Variants in FLII observed in about 807,000 individuals in gnomAD.
FLII encodes the protein FLII actin remodeling protein.
FLII carries 101 observed loss-of-function variants against 156.2 expected under a neutral mutation model. The ratio of observed to expected loss-of-function variants is 0.65; its 90% CI spans 0.55 to 0.76. The LOEUF is 0.76. FLII is among the 30% of genes least tolerant of loss of function. FLII has a pLI of 0.00. For missense variants in FLII, 1,675 were observed against 1,682.8 expected, an observed-to-expected ratio of 1.00 and a Z score of 0.08; for synonymous variants, 767 against 685.8, an observed-to-expected ratio of 1.12 and a Z score of -1.85.
rs1597897645 is a variant in FLII, at chr17:18,246,441, G to C, written c.3073C>G (p.Gln1025Glu). The C allele has an allele frequency of 6.2e-7, 1 of 1,613,968 alleles. No homozygotes were observed. The change falls in exon 24 of 30, where the codon CAG becomes GAG. Residue 1025 changes from glutamine (Q) to glutamate (E), a missense_variant. Around this residue, in one of 2 missense-constraint regions of FLII, gnomAD observed 1,332 missense variants for 1,269.3 expected, o/e 1.05. Coordinates refer to ENST00000327031, the MANE Select transcript of FLII (RefSeq NM_002018.4). Reference sequence around the variant, plus strand: ...TGGGACAGGAACTTGGGGTTCTCCTGCTGCTGCGTCATGCGTACCACCTGG... The same window carrying C: ...TGGGACAGGAACTTGGGGTTCTCCTCCTGCTGCGTCATGCGTACCACCTGG... ...KLEVVRMTQQ[Q>E]ENPKFLSHFK... is the part of the protein sequence containing the mutation.
At position 18,251,679 on chromosome 17, in the gene FLII, C is replaced by T. The variant is rs776247113; in HGVS notation, c.1383+1G>A. 1.2e-6 allele frequency: 2 copies of T among 1,613,972 alleles called. No homozygotes were observed. Among genetic ancestry groups the T allele is most frequent in the East Asian group, 2.2e-5 (1 of 44,880 alleles). ...CTTGTCCCAACCCTGGCCTGGCTCA[C>T]CTCCTGCTTTTTGTTCTTCTCCTGG... On this transcript the variant is annotated splice_donor_variant, in intron 12 of 29. Transcript: ENST00000327031. LOFTEE classifies it high-confidence loss of function.
Position 18,253,530 on chromosome 17 carries a change from G to A in FLII, c.855+14C>T, listed in dbSNP as rs1342183524. On this transcript the variant is annotated intron_variant, in intron 8 of 29. Transcript: ENST00000327031. Reference sequence around the variant, plus strand: ...GCCTTCCTCCCATCCCCCTACTGAGGGCCTCAGACGCACGGGCAGTGAGGT... The same window carrying A: ...GCCTTCCTCCCATCCCCCTACTGAGAGCCTCAGACGCACGGGCAGTGAGGT... The A allele has an allele frequency of 6.2e-7, 1 of 1,612,820 alleles. No homozygotes were observed. Among genetic ancestry groups the A allele is most frequent in the Non-Finnish European group, 8.5e-7 (1 of 1,179,132 alleles).
intron 10 of FLII, 73 bp from the exon 11 acceptor site, chr17:18,252,219 G>C: frequency 7.1e-7 from 1 of 1,404,836 alleles, no homozygotes; most frequent in Non-Finnish European, 1.0e-6. Context: ...CCAGTTTCTT[G>C]CTCTTGTCTG....
At chr17:18,254,933 G>A in intron 4 of FLII, 79 bp from the exon 5 acceptor site, 1 of 1,430,534 alleles carries the variant, frequency 7.0e-7, no homozygotes, top group Non-Finnish European at 9.9e-7. Context: ...ATCAGGCAGG[G>A]CACTGAGTTG....
intron 11 of FLII, 63 bp downstream of exon 11, chr17:18,251,936 A>T: frequency 6.2e-7 from 1 of 1,602,864 alleles, no homozygotes; most frequent in Non-Finnish European, 8.5e-7. Context: ...CCCAATTTAC[A>T]GATGTGTCAT....
chr17:18,253,935 T>A (rs1260285426), intron 7 of FLII, 144 bp downstream of exon 7: 2 of 761,012 alleles, frequency 2.6e-6, no homozygotes, highest in African/African-American at 1.8e-5. Flanking sequence ...GGCATCATCA[T>A]AATCGCAAAA....
In FLII at chr17:18,252,523, C is replaced by G; in HGVS notation, c.1047G>C (p.Lys349Asn). ...CTTCTGGGAGGGTCACCAGGTGGTT[C>G]TTGTTCAGGACAAGTTTCCTCAGCT... is the stretch of plus-strand genomic sequence containing the variant. ...CPKLRKLVLN[K>N]NHLVTLPEAI... Residue 349 changes from lysine to asparagine, a missense_variant, in exon 10 of 30, where the codon AAG becomes AAC. Around this residue, in one of 2 missense-constraint regions of FLII, gnomAD observed 1,332 missense variants for 1,269.3 expected, o/e 1.05. Transcript: ENST00000327031. 1 of 1,613,734 alleles carries G rather than the reference C, an allele frequency of 6.2e-7. No homozygotes were observed. The highest frequency in any genetic ancestry group is 8.5e-7 in the Non-Finnish European group (1 of 1,180,012).
intron 13 of FLII, 81 bp from the exon 14 acceptor site, chr17:18,251,098 G>C: frequency 1.3e-6 from 2 of 1,491,374 alleles, no homozygotes; most frequent in South Asian, 2.6e-5. Context: ...AACAGCACAG[G>C]CTTCCCAGCC....
intron 3 of FLII, 78 bp downstream of exon 3, chr17:18,256,448 T>A (rs1218433260): frequency 8.6e-7 from 1 of 1,165,498 alleles, no homozygotes; most frequent in Admixed American, 2.0e-5. Flanking sequence ...CCCAGCTTGG[T>A]GTCTAGCCCA....
Position 18,254,816 on chromosome 17 carries a change from C to T in FLII, c.366G>A (p.Glu122=). The T allele has an allele frequency of 6.2e-7, 1 of 1,614,162 alleles. No homozygotes were observed. The highest frequency in any genetic ancestry group is 8.5e-7 in the Non-Finnish European group (1 of 1,180,028). The change falls in exon 5 of 30, where the codon GAG becomes GAA. Residue 122 remains glutamate (E), a synonymous_variant. Transcript: ENST00000327031. The part of the protein sequence containing the change: ...SHNQLTECPR[E]LENAKNMLVL... ...CCAGCATGTTCTTGGCGTTCTCCAGCTCCCGCGGGCACTCTGTCAGCTGGT... is the reference window on the plus strand; with the variant it reads ...CCAGCATGTTCTTGGCGTTCTCCAGTTCCCGCGGGCACTCTGTCAGCTGGT...
chr17:18,246,593 C>A lies in FLII; in HGVS notation c.3051+1G>T. On this transcript the variant is annotated splice_donor_variant, in intron 23 of 29. Transcript: ENST00000327031. LOFTEE classifies it high-confidence loss of function. ...CGGGCTCGCGGGGCTGCCAGGCACA[C>A]CTCCAGCTTCCCAGGGAAGAGGCTC... 6.2e-7 allele frequency: 1 copy of A among 1,613,870 alleles called. No individual in the cohort carries two copies. Among genetic ancestry groups the A allele is most frequent in the East Asian group, 2.2e-5 (1 of 44,876 alleles).
chr17:18,245,837 C>T lies in FLII; in HGVS notation c.3410G>A (p.Gly1137Asp), dbSNP rs762405089. The stretch of plus-strand genomic sequence containing the variant: ...CCAGAAGAAGTTCTCAGGCTCCTCA[C>T]CTTCGTTGATAACCTGCGGGAAAGG... Reference protein sequence around the residue: ...TSYSKQVINEGEEPENFFWVG... With the variant: ...TSYSKQVINEDEEPENFFWVG... The change falls in exon 27 of 30, where the codon GGT becomes GAT. Residue 1137 changes from glycine to aspartate, a missense_variant. Gly to Asp is a moderately conservative substitution (Grantham distance 94). Transcript: ENST00000327031. The T allele has an allele frequency of 4.3e-6, 7 of 1,614,028 alleles. No homozygotes were observed. The East Asian group carries it at 1.3e-4, about 31-fold the overall frequency.
intron 4 of FLII, 26 bp from the exon 5 acceptor site, chr17:18,254,880 T>C (rs1214761895): frequency 6.2e-7 from 1 of 1,609,998 alleles, no homozygotes; most frequent in Non-Finnish European, 8.5e-7. Context: ...AAGACCCAGG[T>C]CAGGGGAGTC....
At position 18,251,248 on chromosome 17, in the gene FLII, G is replaced by C. The variant is rs1195615158; in HGVS notation, c.1596+17C>G. 1.2e-6 allele frequency: 2 copies of C among 1,610,838 alleles called. No individual in the cohort carries two copies. The highest frequency in any genetic ancestry group is 2.7e-5 in the African/African-American group (2 of 75,026). ...GTACTGGGCCACATGGCCCCTAACA[G>C]CATGCCCAGCCCTCACCTTGAGCAC... On this transcript the variant is annotated intron_variant, in intron 13 of 29. Transcript: ENST00000327031.
Position 18,245,807 on chromosome 17 carries a change from C to T in FLII, c.3440G>A (p.Gly1147Asp), listed in dbSNP as rs1303759896. The T allele has an allele frequency of 1.2e-6, 2 of 1,614,010 alleles. No homozygotes were observed. Among genetic ancestry groups the T allele is most frequent in the South Asian group, 1.1e-5 (1 of 91,070 alleles). ...ATCATAGGGCTTCTGTGCCCCAATG[C>T]CCACCCAGAAGAAGTTCTCAGGCTC... ...GEEPENFFWV[G>D]IGAQKPYDDD... Residue 1147 changes from glycine to aspartate, a missense_variant, in exon 27 of 30, where the codon GGC becomes GAC. Physicochemically the swap from Gly to Asp is moderately conservative, Grantham distance 94 (BLOSUM62 -1). Coordinates refer to ENST00000327031, the MANE Select transcript of FLII (RefSeq NM_002018.4).
chr17:18,247,878 C>T (rs1374817291), intron 19 of FLII, 30 bp from the exon 20 acceptor site: 2 of 1,613,892 alleles, frequency 1.2e-6, no homozygotes, highest in Non-Finnish European at 1.7e-6. Context: ...AGGTCAAAGC[C>T]CAGCCAACGG....
At position 18,246,350 on chromosome 17, in the gene FLII, C is replaced by G. The variant is rs376758689; in HGVS notation, c.3164G>C (p.Ser1055Thr). 2.9e-5 allele frequency: 47 copies of G among 1,613,788 alleles called. No homozygotes were observed. Among genetic ancestry groups the G allele is most frequent in the Non-Finnish European group, 1.7e-6 (2 of 1,180,012 alleles). The change falls in exon 24 of 30, where the codon AGC becomes ACC. Residue 1055 changes from serine to threonine, a missense_variant. Physicochemically the swap from Ser to Thr is moderately conservative, Grantham distance 58. Coordinates refer to ENST00000327031, the MANE Select transcript of FLII (RefSeq NM_002018.4). ...RKAVQGAQQP[S>T]LYQIRTNGSA... The stretch of plus-strand genomic sequence containing the variant: ...GCCGTTGGTGCGGATCTGGTAGAGG[C>G]TGGGCTGTTGGGCGCCCTGGACCGC...
In FLII at chr17:18,245,241, T is replaced by C. The variant is rs199914435; in HGVS notation, c.3707A>G (p.His1236Arg). ...CAGGCGCAGCCGGCGCGGCCGCTCA[T>C]GTTCCTTGGACCGCATGTGCTGGAT... Reference protein sequence around the residue: ...VYIQHMRSKEHERPRRLRLVR... With the variant: ...VYIQHMRSKERERPRRLRLVR... The change falls in exon 30 of 30, where the codon CAT becomes CGT. Residue 1236 changes from histidine (H) to arginine (R), a missense_variant. Physicochemically the swap from His to Arg is conservative, Grantham distance 29 (BLOSUM62 0). Around this residue, in one of 2 missense-constraint regions of FLII, gnomAD observed 1,332 missense variants for 1,269.3 expected, o/e 1.05. Transcript: ENST00000327031. The C allele has an allele frequency of 2.2e-5, 35 of 1,613,798 alleles. No homozygotes were observed. The Admixed American group carries it at 4.7e-4, about 22-fold the overall frequency.
chr17:18,245,481 G>A, intron 28 of FLII, 62 bp from the exon 29 acceptor site: 2 of 1,612,002 alleles, frequency 1.2e-6, no homozygotes, highest in Non-Finnish European at 8.5e-7. Context: ...CTTGCTCCTG[G>A]CCCGAGAATT....
Sources: allele counts gnomAD v4.1 joint callset, GRCh38; gene constraint gnomAD v4.1.1; regional missense constraint gnomAD v4.1.1; transcripts MANE v1.5; gene names NCBI Gene and HGNC (gene_info 2026-07-23, HGNC 2026-07-21).